The following VPS54 variants were observed in gnomAD, a reference collection of about 807,000 sequenced individuals.
VPS54 encodes vacuolar protein sorting-associated protein 54.
In VPS54, 45 loss-of-function variants were observed where a neutral mutation model predicts 121.5. The ratio of observed to expected loss-of-function variants is 0.37; its 90% CI spans 0.29 to 0.47. VPS54 has a LOEUF of 0.47. Ranked by LOEUF, VPS54 falls within the 20% of genes least tolerant of loss-of-function variation. The pLI is 0.99. For synonymous variants in VPS54, 371 were observed against 385.8 expected (o/e 0.96, Z 0.45); for missense variants, 1,090 against 1,131.4 (o/e 0.96, Z 0.52).
Position 63,912,590 on chromosome 2 carries a change from G to C in VPS54, c.2494C>G (p.Leu832Val), listed in dbSNP as rs1196017417. Reference protein sequence around the residue: ...PVIRAHFEARLPPKQYSMLRH... With the variant: ...PVIRAHFEARVPPKQYSMLRH... ...AGCATGCTATATTGCTTAGGTGGTA[G>C]TCGAGCTTCAAAATGAGCCCGGATC... The change falls in exon 19 of 23, where the codon CTA becomes GTA. Residue 832 changes from leucine (L) to valine (V), a missense_variant. This residue lies in a region of VPS54 where 289 missense variants were observed against 374.4 expected (regional missense o/e 0.77). Transcript: ENST00000272322. 1 of 1,596,970 alleles carries C rather than the reference G, an allele frequency of 6.3e-7. No homozygotes were observed. Among genetic ancestry groups the C allele is most frequent in the Non-Finnish European group, 8.5e-7 (1 of 1,176,136 alleles).
chr2:63,983,345 CTGA>C (rs1284922023), intron 2 of VPS54, among the ~76,000 whole-genome samples: 1 of 151,752 alleles, frequency 6.6e-6, no homozygotes, highest in Admixed American at 6.6e-5. Context: ...GTTGGCCAGG[CTGA>C]TGTTGAACTC....
intron 5 of VPS54, among the ~76,000 whole-genome samples, chr2:63,967,846 G>A (rs1676081065): frequency 1.3e-5 from 2 of 151,904 alleles, no homozygotes; most frequent in South Asian, 4.2e-4. Flanking sequence ...ATCTTCTGTT[G>A]GAAAGAACAA....
rs1350903749 is a variant in VPS54, at chr2:63,923,245, G to T, written c.1740-1910C>A. 2.0e-5 allele frequency among the ~76,000 whole-genome samples: 3 copies of T among 151,998 alleles called. No individual in the cohort carries two copies. The East Asian group carries it at 5.8e-4, about 29-fold the overall frequency. On this transcript the variant is annotated intron_variant, in intron 12 of 22. Transcript: ENST00000272322. ...GCAGGAGAATGGTGTGAACCCGGTA[G>T]GCAGAGCTTGCAGTGAGCCGAGATC...
At chr2:63,979,693 CAGTT>C (rs980943533) in intron 3 of VPS54, among the ~76,000 whole-genome samples, 6 of 152,204 alleles carry the variant, frequency 3.9e-5, no homozygotes, top group African/African-American at 1.4e-4. Flanking sequence ...CATTTCCATT[CAGTT>C]CAAACTACTT....
chr2:64,001,330 C>G (rs1445726661), intron 1 of VPS54, among the ~76,000 whole-genome samples: 1 of 152,198 alleles, frequency 6.6e-6, no homozygotes, highest in African/African-American at 2.4e-5. Context: ...GGCCTGGAAT[C>G]AGGGACCCCA....
chr2:63,993,800 G>A (rs576613311), intron 1 of VPS54, among the ~76,000 whole-genome samples: 12 of 152,290 alleles, frequency 7.9e-5, no homozygotes, highest in African/African-American at 2.6e-4. Flanking sequence ...GCCCATTCCT[G>A]AGGCTGTTAC....
intron 21 of VPS54, 22 bp from the exon 22 acceptor site, chr2:63,897,612 GTTTC>G (rs752250506): frequency 2.2e-5 from 29 of 1,343,854 alleles, no homozygotes; most frequent in Non-Finnish European, 1.8e-5. Flanking sequence ...ATAAAACTAA[GTTTC>G]TTAAAGTTCT....
chr2:63,903,355 T>G (rs1672769221), intron 20 of VPS54, among the ~76,000 whole-genome samples: 1 of 152,172 alleles, frequency 6.6e-6, no homozygotes, highest in Non-Finnish European at 1.5e-5. Context: ...AAACAAAAAC[T>G]GAGATGATTC....
intron 1 of VPS54, among the ~76,000 whole-genome samples, chr2:64,006,915 G>A (rs751565123): frequency 2.6e-5 from 4 of 152,158 alleles, no homozygotes; most frequent in African/African-American, 4.8e-5. Context: ...CACCACGCCC[G>A]GCAAACATCT....
chr2:64,011,507 A>C (rs933054586), intron 1 of VPS54, among the ~76,000 whole-genome samples: 2 of 152,190 alleles, frequency 1.3e-5, no homozygotes, highest in African/African-American at 4.8e-5. Context: ...GGGAGGTTGC[A>C]GTGAGCCGTG....
chr2:64,009,600 G>T (rs1011965475), intron 1 of VPS54, among the ~76,000 whole-genome samples: 1 of 152,164 alleles, frequency 6.6e-6, no homozygotes, highest in Non-Finnish European at 1.5e-5. Flanking sequence ...ACAGGCGTGA[G>T]CCACCATGCC....
chr2:63,902,185 T>C (rs1672706269), intron 20 of VPS54, among the ~76,000 whole-genome samples: 1 of 152,124 alleles, frequency 6.6e-6, no homozygotes, highest in Non-Finnish European at 1.5e-5. Flanking sequence ...AGAACAAGCA[T>C]TTCCCCTATT....
intron 3 of VPS54, among the ~76,000 whole-genome samples, chr2:63,977,807 G>C (rs976793035): frequency 1.3e-5 from 2 of 152,210 alleles, no homozygotes; most frequent in African/African-American, 4.8e-5. Context: ...AAAAAGAACT[G>C]AGGTAAATAG....
chr2:63,951,198 A>C (rs894202391), intron 7 of VPS54, among the ~76,000 whole-genome samples: 46 of 141,562 alleles, frequency 3.2e-4, no homozygotes, highest in African/African-American at 1.3e-3. Context: ...AGGACTTCAC[A>C]AATTTCCCTT....
intron 11 of VPS54, among the ~76,000 whole-genome samples, chr2:63,934,578 A>G (rs1291136723): frequency 6.6e-6 from 1 of 151,940 alleles, no homozygotes; most frequent in East Asian, 1.9e-4. Flanking sequence ...CCTTCTCATC[A>G]CTGAGGTTCT....
intron 7 of VPS54, among the ~76,000 whole-genome samples, chr2:63,958,576 G>T (rs541164723): frequency 1.3e-5 from 2 of 152,174 alleles, no homozygotes; most frequent in South Asian, 2.1e-4. Flanking sequence ...TTAGCCTGGC[G>T]TGGTGGCACA....
chr2:63,904,361 C>A (rs1672814253), intron 20 of VPS54, among the ~76,000 whole-genome samples: 1 of 140,998 alleles, frequency 7.1e-6, no homozygotes, highest in African/African-American at 2.6e-5. Flanking sequence ...ATCACTTGAA[C>A]CTGGGAGGCA....
chr2:63,977,115 C>A (rs1397096837), intron 3 of VPS54, among the ~76,000 whole-genome samples: 2 of 152,168 alleles, frequency 1.3e-5, no homozygotes, highest in Non-Finnish European at 2.9e-5. Flanking sequence ...AGGCATGAGC[C>A]ACCATGCCCA....
At chr2:63,910,567 T>C (rs1356703677) in intron 20 of VPS54, among the ~76,000 whole-genome samples, 1 of 152,202 alleles carries the variant, frequency 6.6e-6, no homozygotes, top group East Asian at 1.9e-4. Context: ...ATAGTGTGGT[T>C]ATGTAAAAAT....
Sources: gnomAD v4.1 joint callset for allele counts (sites outside exome capture counted in the v4.1 genomes callset) on GRCh38, gnomAD v4.1.1 for gene constraint, gnomAD v4.1.1 regional missense constraint, MANE v1.5 for transcripts, NCBI Gene and HGNC (gene_info 2026-07-23, HGNC 2026-07-21) for gene names.